The following AOX1 variants were observed in gnomAD, a reference collection of about 807,000 sequenced individuals.
The protein encoded by AOX1 is aldehyde oxidase 1.
A neutral mutation model predicts 169.5 loss-of-function variants in AOX1; 153 were observed. The ratio of observed to expected loss-of-function variants is 0.90; its 90% CI spans 0.79 to 1.03. AOX1 has a LOEUF of 1.03. Among genes scored for constraint, AOX1 ranks in the 50% least tolerant of loss-of-function variants. The pLI, the probability that AOX1 is intolerant of heterozygous loss-of-function variation, is 0.00. For missense variants in AOX1, 1,656 were observed against 1,663.9 expected, an observed-to-expected ratio of 1.00 and a Z score of 0.08; for synonymous variants, 562 against 581.9, an observed-to-expected ratio of 0.97 and a Z score of 0.49.
downstream of AOX1, among the ~76,000 whole-genome samples, chr2:200,672,751 CA>C (rs1192007422): frequency 1.3e-5 from 2 of 152,108 alleles, no homozygotes; most frequent in African/African-American, 4.8e-5. Flanking sequence ...AGTGATGGAG[CA>C]GGTGGCAGGT....
At chr2:200,606,196 G>C (rs1168932465) in intron 10 of AOX1, among the ~76,000 whole-genome samples, 5 of 152,078 alleles carry the variant, frequency 3.3e-5, no homozygotes, top group Non-Finnish European at 7.4e-5. Flanking sequence ...TTCGTTTTCT[G>C]CATATGGCTA....
rs41270241 is a variant in AOX1 at position 200,612,858 on chromosome 2, C to T, written c.1448+65C>T. ...TTAGACTCCAAGTATTAGAGGAGCC[C>T]TTTTTGTGGTGAGATGTGATTACAA... On this transcript the variant is annotated intron_variant, in intron 14 of 34. Coordinates refer to ENST00000374700, the MANE Select transcript of AOX1 (RefSeq NM_001159.4). 8.8e-3 allele frequency: 11,833 copies of T among 1,345,154 alleles called. 64 individuals are homozygous for T. Among genetic ancestry groups the T allele is most frequent in the Non-Finnish European group, 0.011 (10,696 of 983,106 alleles). The allele number at this position is 1,345,154 out of a possible 1,614,324, so 83.3% of individuals were successfully genotyped here.
intron 27 of AOX1, among the ~76,000 whole-genome samples, chr2:200,658,202 T>G (rs1037286020): frequency 6.6e-6 from 1 of 152,236 alleles, no homozygotes; most frequent in Non-Finnish European, 1.5e-5. Flanking sequence ...ATTATCAAAT[T>G]GTTTTCCAGA....
chr2:200,597,418 T>C lies in AOX1; in HGVS notation c.222T>C (p.Cys74=), dbSNP rs1310262310. 6.2e-7 allele frequency: 1 copy of C among 1,609,578 alleles called. No individual in the cohort carries two copies. The highest frequency in any genetic ancestry group is 8.5e-7 in the Non-Finnish European group (1 of 1,177,954). ...GAAGGCATCACCCAGCCAATGCCTG[T>C]CTGATTCCCATCTGTTCTCTGTATG... The part of the protein sequence containing the change: ...KRIRHHPANA[C]LIPICSLYGA... The change falls in exon 4 of 35, where the codon TGT becomes TGC. Residue 74 remains cysteine, a synonymous_variant. Coordinates refer to ENST00000374700, the MANE Select transcript of AOX1 (RefSeq NM_001159.4).
intron 31 of AOX1, 42 bp downstream of exon 31, chr2:200,663,011 G>A (rs1468183397): frequency 1.3e-6 from 2 of 1,501,382 alleles, no homozygotes; most frequent in Non-Finnish European, 1.9e-6. Context: ...CACTTAGGAT[G>A]CACCTAAATT....
intron 21 of AOX1, among the ~76,000 whole-genome samples, chr2:200,636,038 G>C (rs1426106952): frequency 2.0e-5 from 3 of 147,748 alleles, no homozygotes; most frequent in Non-Finnish European, 4.5e-5. Flanking sequence ...CATTAGGATG[G>C]CAGAAAAGAG....
At chr2:200,664,103 T>C (rs2035882024) in intron 31 of AOX1, among the ~76,000 whole-genome samples, 1 of 140,104 alleles carries the variant, frequency 7.1e-6, no homozygotes, top group East Asian at 2.4e-4. Flanking sequence ...AGCGGGTTCT[T>C]GCATAGAACT....
At chr2:200,588,190 G>A (rs1449892996) in intron 1 of AOX1, 1 of 152,618 alleles carries the variant, frequency 6.6e-6, no homozygotes, top group Non-Finnish European at 1.5e-5. Context: ...CAGTGACTGG[G>A]ATGCAGTGAG....
At chr2:200,587,093 C>G (rs1296107464) in intron 1 of AOX1, among the ~76,000 whole-genome samples, 1 of 151,014 alleles carries the variant, frequency 6.6e-6, no homozygotes, top group Admixed American at 6.6e-5. Flanking sequence ...ATGGCGAAAC[C>G]TTGTCTCTAC....
In AOX1 at chr2:200,627,339, T is replaced by C. The variant is rs370326136; in HGVS notation, c.2125-14T>C. Reference sequence around the variant, plus strand: ...TCTTGCCCAAGCTGCCTCATTCCTCTGTTCTCTTTCTAGGAAAGTATACAA... The same window carrying C: ...TCTTGCCCAAGCTGCCTCATTCCTCCGTTCTCTTTCTAGGAAAGTATACAA... On this transcript the variant is annotated splice_polypyrimidine_tract_variant and intron_variant, in intron 19 of 34. Coordinates refer to ENST00000374700, the MANE Select transcript of AOX1 (RefSeq NM_001159.4). The C allele has an allele frequency of 7.0e-5, 112 of 1,597,864 alleles. No individual in the cohort carries two copies. Among genetic ancestry groups the C allele is most frequent in the East Asian group, 1.1e-4 (5 of 44,802 alleles).
At chr2:200,663,030 G>A (rs2035858528) in intron 31 of AOX1, 61 bp downstream of exon 31, 9 of 1,311,468 alleles carry the variant, frequency 6.9e-6, no homozygotes, top group South Asian at 6.0e-5. Flanking sequence ...TTCCACAGAT[G>A]CCATCTATCT....
chr2:200,598,680 G>T (rs1028349339), intron 4 of AOX1, among the ~76,000 whole-genome samples: 1 of 151,954 alleles, frequency 6.6e-6, no homozygotes, highest in South Asian at 2.1e-4. Flanking sequence ...GGGAGGTGGA[G>T]GTTGCAGTGA....
chr2:200,672,089 G>C (rs529946479), downstream of AOX1, among the ~76,000 whole-genome samples: 1 of 152,288 alleles, frequency 6.6e-6, no homozygotes, highest in South Asian at 2.1e-4. Flanking sequence ...AAAATGTCCA[G>C]AACAGGCAAA....
chr2:200,665,232 A>T (rs545960059), intron 31 of AOX1, among the ~76,000 whole-genome samples: 2 of 152,306 alleles, frequency 1.3e-5, no homozygotes, highest in South Asian at 4.1e-4. Context: ...TCTCAGAGTG[A>T]CTACTGTCAC....
intron 26 of AOX1, 111 bp downstream of exon 26, chr2:200,651,312 C>G (rs1368122136): frequency 2.2e-6 from 2 of 909,680 alleles, no homozygotes; most frequent in Non-Finnish European, 3.4e-6. Context: ...TTGCAATGCC[C>G]AATTGTTAAA....
chr2:200,628,239 T>G (rs2035045934), intron 20 of AOX1, among the ~76,000 whole-genome samples: 1 of 152,104 alleles, frequency 6.6e-6, no homozygotes, highest in Non-Finnish European at 1.5e-5. Flanking sequence ...GTAAACATGA[T>G]GTATGTCTCT....
At chr2:200,612,581 AC>A in intron 13 of AOX1, 27 bp from the exon 14 acceptor site, 1 of 1,608,168 alleles carries the variant, frequency 6.2e-7, no homozygotes, top group South Asian at 1.1e-5. Flanking sequence ...CAGTGTTTCT[AC>A]ATGTGCCACT....
intron 25 of AOX1, among the ~76,000 whole-genome samples, chr2:200,646,721 T>C (rs2105753038): frequency 6.6e-6 from 1 of 152,272 alleles, no homozygotes; most frequent in African/African-American, 2.4e-5. Flanking sequence ...GTAATTGTTT[T>C]ATAAATTTGG....
Position 200,634,895 on chromosome 2 carries a change from C to G in AOX1, c.2326C>G (p.Gln776Glu). The change falls in exon 21 of 35, where the codon CAG becomes GAG. Residue 776 changes from glutamine (Q) to glutamate (E), a missense_variant. By Grantham distance (29) the Gln-to-Glu change is conservative (BLOSUM62 2). Transcript: ENST00000374700. The part of the protein sequence containing the change: ...DQEMDVYVST[Q>E]FPKYIQDIVA... ...AGAAATGGATGTCTACGTGTCCACACAGTTTCCCAAATATATACAGGTAAC... is the reference window on the plus strand; with the variant it reads ...AGAAATGGATGTCTACGTGTCCACAGAGTTTCCCAAATATATACAGGTAAC... The G allele has an allele frequency of 5.0e-6, 8 of 1,614,054 alleles. No homozygotes were observed. The highest frequency in any genetic ancestry group is 2.2e-5 in the South Asian group (2 of 91,074).
Sources: gnomAD v4.1 joint callset for allele counts (sites outside exome capture counted in the v4.1 genomes callset) on GRCh38, gnomAD v4.1.1 for gene constraint, MANE v1.5 for transcripts, NCBI Gene and HGNC (gene_info 2026-07-23, HGNC 2026-07-21) for gene names.